Variants in GLRA3 observed in about 807,000 individuals in gnomAD.
GLRA3 encodes glycine receptor subunit alpha-3.
GLRA3 carries 44 observed loss-of-function variants against 60.4 expected under a neutral mutation model. The observed-to-expected ratio is 0.73, with a 90% CI of 0.57 to 0.94. The LOEUF is 0.94. GLRA3 is among the 40% of genes least tolerant of loss of function. The probability of loss-of-function intolerance (pLI) is 0.00; values close to 1 mark genes in which losing one functional copy is unlikely to be tolerated. For synonymous variants in GLRA3, 223 were observed against 192.9 expected (o/e 1.16, Z -1.29); for missense variants, 508 against 564.6 (o/e 0.90, Z 1.02).
At position 174,802,407 on chromosome 4, in the gene GLRA3, T is replaced by C. The variant is rs149211348; in HGVS notation, c.72-13464A>G. On this transcript the variant is annotated intron_variant, in intron 1 of 9. Transcript: ENST00000274093. ...AATGTACCAGATCACTACATCCAGA[T>C]AATGAACAACAAAATCCTCATCTAT... Among the ~76,000 whole-genome samples the C allele has an allele frequency of 2.6e-5, 4 of 152,164 alleles. No individual in the cohort carries two copies. The East Asian group carries it at 5.8e-4, about 22-fold the overall frequency.
At chr4:174,702,538 T>A (rs1188937857) in intron 5 of GLRA3, among the ~76,000 whole-genome samples, 2 of 151,676 alleles carry the variant, frequency 1.3e-5, no homozygotes, top group East Asian at 3.9e-4. Context: ...ATACTATTGG[T>A]GAGTTAGAAA....
intron 2 of GLRA3, among the ~76,000 whole-genome samples, chr4:174,767,548 A>G (rs956709615): frequency 6.6e-6 from 1 of 152,090 alleles, no homozygotes; most frequent in Non-Finnish European, 1.5e-5. Flanking sequence ...ACCTGGACCA[A>G]TATGGTAAAG....
chr4:174,751,258 G>A (rs527907504), intron 3 of GLRA3, among the ~76,000 whole-genome samples: 3 of 152,088 alleles, frequency 2.0e-5, no homozygotes, highest in Admixed American at 6.6e-5. Context: ...TGTTGCCATC[G>A]AAGGAGACAT....
intron 5 of GLRA3, among the ~76,000 whole-genome samples, chr4:174,693,013 T>C (rs555226881): frequency 1.6e-3 from 241 of 152,282 alleles, no homozygotes; most frequent in Middle Eastern, 3.4e-3. Flanking sequence ...TTGTGTGTTC[T>C]CTTATTGTAA....
intron 2 of GLRA3, 30 bp downstream of exon 2, chr4:174,788,786 C>A: frequency 6.7e-7 from 1 of 1,498,614 alleles, no homozygotes; most frequent in Non-Finnish European, 9.1e-7. Flanking sequence ...ATTTAAAACA[C>A]ACATATAAAG....
intron 3 of GLRA3, 24 bp from the exon 4 acceptor site, chr4:174,728,722 G>C (rs200486782): frequency 1.6e-6 from 2 of 1,218,278 alleles, no homozygotes; most frequent in Non-Finnish European, 2.3e-6. Context: ...ATGAAAGAAA[G>C]AAAAAAAAAA....
intron 2 of GLRA3, among the ~76,000 whole-genome samples, chr4:174,768,527 A>C (rs1431944499): frequency 6.6e-6 from 1 of 152,152 alleles, no homozygotes; most frequent in Non-Finnish European, 1.5e-5. Context: ...AAATATCCAA[A>C]GCCTTTGCAC....
At chr4:174,794,901 A>G (rs1300472116) in intron 1 of GLRA3, among the ~76,000 whole-genome samples, 1 of 152,100 alleles carries the variant, frequency 6.6e-6, no homozygotes, top group Non-Finnish European at 1.5e-5. Context: ...TCCATTTAAT[A>G]GAGGACAAGA....
chr4:174,718,494 C>G (rs1736007024), intron 4 of GLRA3, among the ~76,000 whole-genome samples: 1 of 152,132 alleles, frequency 6.6e-6, no homozygotes, highest in Non-Finnish European at 1.5e-5. Context: ...TAATTTGTGA[C>G]AAACAATTGA....
chr4:174,819,591 GT>G (rs1350865236), intron 1 of GLRA3, among the ~76,000 whole-genome samples: 2 of 152,028 alleles, frequency 1.3e-5, no homozygotes, highest in African/African-American at 4.8e-5. Flanking sequence ...AGAAAAAAAT[GT>G]TTTTTCTCAA....
At chr4:174,797,109 CT>C (rs1377747010) in intron 1 of GLRA3, among the ~76,000 whole-genome samples, 2 of 152,012 alleles carry the variant, frequency 1.3e-5, no homozygotes, top group African/African-American at 2.4e-5. Flanking sequence ...TATTCAAAAA[CT>C]TTTTTTAAGT....
At chr4:174,753,561 T>C (rs1269143603) in intron 3 of GLRA3, among the ~76,000 whole-genome samples, 2 of 152,146 alleles carry the variant, frequency 1.3e-5, no homozygotes, top group Non-Finnish European at 2.9e-5. Context: ...CAAATTCTCT[T>C]AGAAAAATGT....
At chr4:174,702,249 A>G (rs960712086) in intron 5 of GLRA3, among the ~76,000 whole-genome samples, 3 of 152,226 alleles carry the variant, frequency 2.0e-5, no homozygotes, top group Admixed American at 6.5e-5. Context: ...CACCAGGAAA[A>G]TGATTATGAC....
chr4:174,727,377 G>C (rs1736369514), intron 4 of GLRA3, among the ~76,000 whole-genome samples: 1 of 152,130 alleles, frequency 6.6e-6, no homozygotes, highest in Non-Finnish European at 1.5e-5. Flanking sequence ...GAGAAGATAA[G>C]AGAGAGATAA....
At chr4:174,742,546 T>C (rs1469901154) in intron 3 of GLRA3, among the ~76,000 whole-genome samples, 2 of 152,132 alleles carry the variant, frequency 1.3e-5, no homozygotes, top group Admixed American at 6.5e-5. Context: ...GCTAAACTCA[T>C]GGGGAAATTT....
chr4:174,659,818 A>G (rs1733367320), intron 7 of GLRA3, among the ~76,000 whole-genome samples: 2 of 152,036 alleles, frequency 1.3e-5, no homozygotes. Context: ...TTAAAAATAC[A>G]AAAATTAGCC....
intron 2 of GLRA3, among the ~76,000 whole-genome samples, chr4:174,778,483 C>T (rs998226438): frequency 3.3e-5 from 5 of 152,052 alleles, no homozygotes; most frequent in East Asian, 1.9e-4. Context: ...CCAAGATGGC[C>T]GAATAGGAAC....
intron 7 of GLRA3, among the ~76,000 whole-genome samples, chr4:174,659,899 G>T (rs536509268): frequency 7.9e-5 from 12 of 151,296 alleles, no homozygotes; most frequent in Non-Finnish European, 1.5e-4. Context: ...TTGAACCCAG[G>T]GGGCAGAGGT....
chr4:174,793,105 T>A (rs1267779750), intron 1 of GLRA3, among the ~76,000 whole-genome samples: 1 of 152,198 alleles, frequency 6.6e-6, no homozygotes, highest in Non-Finnish European at 1.5e-5. Flanking sequence ...CTCACAATTA[T>A]TTTTTTGCCA....
Sources: allele counts gnomAD v4.1 joint callset (sites outside exome capture counted in the v4.1 genomes callset), GRCh38; gene constraint gnomAD v4.1.1; transcripts MANE v1.5; gene names NCBI Gene and HGNC (gene_info 2026-07-23, HGNC 2026-07-21).